LARP1: variants seen among roughly 807,000 people sequenced by gnomAD.
The protein encoded by LARP1 is La ribonucleoprotein 1, translational regulator.
In LARP1, 36 loss-of-function variants were observed where a neutral mutation model predicts 122.7. The ratio of observed to expected loss-of-function variants is 0.29; its 90% CI spans 0.22 to 0.39. LARP1 has a LOEUF of 0.39. LARP1 is among the 10% of genes least tolerant of loss of function. The pLI, the probability that LARP1 is intolerant of heterozygous loss-of-function variation, is 1.00. For synonymous variants in LARP1, 539 were observed against 528.7 expected, an observed-to-expected ratio of 1.02 and a Z score of -0.27; for missense variants, 1,040 against 1,403.6, an observed-to-expected ratio of 0.74 and a Z score of 4.14.
chr5:154,790,265 C>T (rs1292937790), intron 1 of LARP1, 60 bp from the exon 2 acceptor site: 2 of 1,417,108 alleles, frequency 1.4e-6, no homozygotes, highest in Middle Eastern at 3.7e-4. Context: ...GGGTGAGGAG[C>T]TGGCAGTAGC....
In LARP1 at chr5:154,763,054, C is replaced by CTT. The variant is rs147728579; in HGVS notation, c.436+6878_436+6879dup. ...GCCCAAGTGATCTGCTGAGCAGATGCTTTTTTTTTTTTTTTTTTCTTTTTT... is the reference window on the plus strand; with the variant it reads ...GCCCAAGTGATCTGCTGAGCAGATGCTTTTTTTTTTTTTTTTTTTTCTTTTTT... On this transcript the variant is annotated intron_variant, in intron 1 of 18. Transcript: ENST00000518297. Among the ~76,000 whole-genome samples, 786 of 129,872 alleles carry CTT rather than the reference C, an allele frequency of 6.1e-3. 5 individuals carry two copies. The highest frequency in any genetic ancestry group is 0.017 in the African/African-American group (613 of 35,212). 85.2% of individuals were successfully genotyped at this position (129,872 alleles called of 152,430 possible). A position where few individuals can be genotyped will look rare whatever the true frequency, so the allele number is the denominator to read the frequency against.
chr5:154,774,372 G>A (rs1203068369), intron 1 of LARP1, among the ~76,000 whole-genome samples: 3 of 152,150 alleles, frequency 2.0e-5, no homozygotes, highest in African/African-American at 7.2e-5. Flanking sequence ...GCAGCCCTGT[G>A]CCAAGTCTCC....
At chr5:154,764,469 T>A (rs986212765) in intron 1 of LARP1, among the ~76,000 whole-genome samples, 4 of 150,626 alleles carry the variant, frequency 2.7e-5, no homozygotes, top group South Asian at 2.1e-4. Flanking sequence ...GGTGTGGTGG[T>A]GCATTCCTGT....
At chr5:154,705,140 A>G (rs975249257) in intron 1 of LARP1, among the ~76,000 whole-genome samples, 18 of 151,948 alleles carry the variant, frequency 1.2e-4, no homozygotes, top group Middle Eastern at 3.4e-3. Context: ...AAAAAGGCAA[A>G]GGACATGAAA....
intron 1 of LARP1, among the ~76,000 whole-genome samples, chr5:154,745,040 C>T (rs1018590643): frequency 5.3e-5 from 8 of 152,132 alleles, no homozygotes; most frequent in African/African-American, 1.9e-4. Context: ...GATCTTCCTG[C>T]CTCAGCCTCC....
At chr5:154,720,825 C>G (rs1296539907) in intron 1 of LARP1, among the ~76,000 whole-genome samples, 2 of 152,158 alleles carry the variant, frequency 1.3e-5, no homozygotes, top group African/African-American at 4.8e-5. Context: ...ATGCAGGAGT[C>G]TGCTGGGCCA....
chr5:154,769,671 C>T (rs1755244584), intron 1 of LARP1, among the ~76,000 whole-genome samples: 1 of 152,194 alleles, frequency 6.6e-6, no homozygotes, highest in South Asian at 2.1e-4. Context: ...GACTTTGCTT[C>T]CCTCCCCTCA....
At chr5:154,781,246 A>T (rs931584121) in intron 1 of LARP1, among the ~76,000 whole-genome samples, 1 of 152,138 alleles carries the variant, frequency 6.6e-6, no homozygotes, top group Non-Finnish European at 1.5e-5. Context: ...AGGGCCTAGG[A>T]AAGCCCAAGG....
intron 1 of LARP1, among the ~76,000 whole-genome samples, chr5:154,765,821 A>C (rs1754899457): frequency 6.6e-6 from 1 of 152,238 alleles, no homozygotes; most frequent in Non-Finnish European, 1.5e-5. Context: ...TTAGTGAAAG[A>C]ATGAATTGCG....
rs1759662264 is a variant in LARP1 at position 154,816,266 on chromosome 5, T to A, written c.*2170T>A. ...ACTGGATTCCTGGACCCCCTTCTCC[T>A]TTCCTTTCTTTCCTTCAGGTCACGC... On this transcript the variant is annotated 3_prime_UTR_variant, in exon 19 of 19. Transcript: ENST00000518297. 1 of 153,236 alleles carries A rather than the reference T, an allele frequency of 6.5e-6. No homozygotes were observed. Among genetic ancestry groups the A allele is most frequent in the African/African-American group, 2.4e-5 (1 of 41,470 alleles). The allele number at this position is 153,236 out of a possible 1,614,324, so 9.5% of individuals were successfully genotyped here.
intron 1 of LARP1, among the ~76,000 whole-genome samples, chr5:154,734,920 G>T (rs1756790582): frequency 6.6e-6 from 1 of 152,086 alleles, no homozygotes; most frequent in Admixed American, 6.6e-5. Context: ...GCATCATACA[G>T]TATTTGTTGT....
chr5:154,804,074 G>A (rs1421706253), intron 13 of LARP1, 127 bp from the exon 14 acceptor site: 10 of 743,008 alleles, frequency 1.3e-5, no homozygotes, highest in East Asian at 9.9e-5. Context: ...AACTTTATAC[G>A]AGAATGAATA....
At chr5:154,806,639 G>A (rs568797667) in intron 15 of LARP1, among the ~76,000 whole-genome samples, 5 of 152,146 alleles carry the variant, frequency 3.3e-5, no homozygotes, top group Non-Finnish European at 7.4e-5. Flanking sequence ...GTCTGTCCCT[G>A]CTCTTTTAGT....
chr5:154,805,263 G>A (rs1429564099), intron 14 of LARP1: 1 of 258,606 alleles, frequency 3.9e-6, no homozygotes. Context: ...TGTTCAGTAA[G>A]TGGAAGTAGA....
At chr5:154,766,264 C>T (rs1318565720) in intron 1 of LARP1, among the ~76,000 whole-genome samples, 1 of 152,194 alleles carries the variant, frequency 6.6e-6, no homozygotes, top group Non-Finnish European at 1.5e-5. Flanking sequence ...AGGGGAGTAG[C>T]ATGGTCAGAT....
At chr5:154,806,142 A>G (rs1203599560) in intron 15 of LARP1, 110 bp downstream of exon 15, 8 of 1,098,170 alleles carry the variant, frequency 7.3e-6, no homozygotes, top group Non-Finnish European at 1.0e-5. Flanking sequence ...ACTTCAGAGC[A>G]AAAAAAAGAC....
At chr5:154,772,263 ATTC>A (rs1257808819) in intron 1 of LARP1, among the ~76,000 whole-genome samples, 1 of 152,222 alleles carries the variant, frequency 6.6e-6, no homozygotes, top group African/African-American at 2.4e-5. Context: ...TGAAATGTAC[ATTC>A]TTCTTACTAA....
intron 1 of LARP1, among the ~76,000 whole-genome samples, chr5:154,686,698 G>A (rs374591373): frequency 1.3e-5 from 2 of 152,268 alleles, no homozygotes; most frequent in African/African-American, 4.8e-5. Flanking sequence ...ACTCATTACT[G>A]TCCCTTTCTG....
At chr5:154,730,005 C>T (rs754287986) in intron 1 of LARP1, among the ~76,000 whole-genome samples, 1 of 152,082 alleles carries the variant, frequency 6.6e-6, no homozygotes, top group African/African-American at 2.4e-5. Context: ...TGAACCCAGC[C>T]GAAATTGCCA....
Sources: gnomAD v4.1 joint callset for allele counts (sites outside exome capture counted in the v4.1 genomes callset) on GRCh38, gnomAD v4.1.1 for gene constraint, MANE v1.5 for transcripts, NCBI Gene and HGNC (gene_info 2026-07-23, HGNC 2026-07-21) for gene names.